The following DHDDS variants were observed in gnomAD, a reference collection of about 807,000 sequenced individuals.
DHDDS encodes dehydrodolichyl diphosphate synthase subunit.
DHDDS carries 16 observed loss-of-function variants against 46.2 expected under a neutral mutation model. The ratio of observed to expected loss-of-function variants is 0.35; its 90% CI spans 0.23 to 0.53. The LOEUF (loss-of-function observed/expected upper bound fraction) is 0.53. Ranked by LOEUF, DHDDS falls within the 20% of genes least tolerant of loss-of-function variation. The pLI, the probability that DHDDS is intolerant of heterozygous loss-of-function variation, is 0.94. For missense variants in DHDDS, 340 were observed against 423.7 expected (o/e 0.80, Z 1.73); for synonymous variants, 151 against 163.1 (o/e 0.93, Z 0.56).
At chr1:26,467,156 C>G (rs1296618591) in intron 8 of DHDDS, 1 of 334,838 alleles carries the variant, frequency 3.0e-6, no homozygotes, top group Non-Finnish European at 6.5e-6. Context: ...CTCCTCTGAA[C>G]TGCATGACCC....
At chr1:26,465,572 A>T (rs1206893010) in intron 8 of DHDDS, among the ~76,000 whole-genome samples, 1 of 152,236 alleles carries the variant, frequency 6.6e-6, no homozygotes, top group East Asian at 1.9e-4. Context: ...AAAATGAGAG[A>T]AGTAGCGTTT....
Position 26,462,437 on chromosome 1 carries a change from G to A in DHDDS, c.765+2293G>A, listed in dbSNP as rs1205236603. 2.0e-5 allele frequency among the ~76,000 whole-genome samples: 3 copies of A among 152,062 alleles called. No individual in the cohort carries two copies. In the East Asian group the frequency reaches 5.8e-4, roughly 29 times the overall value. ...AAGTTAGATGGTCCCAGAATACCTG[G>A]GTTTGAGGTTTCATGTATATTTTTC... On this transcript the variant is annotated intron_variant, in intron 8 of 8. Coordinates refer to ENST00000236342, the MANE Select transcript of DHDDS (RefSeq NM_205861.3).
intron 3 of DHDDS, among the ~76,000 whole-genome samples, chr1:26,439,164 CA>C (rs1483578970): frequency 6.6e-6 from 1 of 152,120 alleles, no homozygotes; most frequent in East Asian, 1.9e-4. Flanking sequence ...CTCCTGACCT[CA>C]GGTGATCCAC....
Position 26,457,876 on chromosome 1 carries a change from G to A in DHDDS, c.628G>A (p.Val210Met), listed in dbSNP as rs780598237. 75 of 1,613,882 alleles carry A rather than the reference G, an allele frequency of 4.6e-5. No individual in the cohort carries two copies. The highest frequency in any genetic ancestry group is 1.3e-5 in the African/African-American group (1 of 74,878). ...PDILIRTSGE[V>M]RLSDFLLWQT... is the part of the protein sequence containing the mutation. The stretch of plus-strand genomic sequence containing the variant: ...CATCTTGATACGGACTTCTGGAGAA[G>A]TGCGGCTGAGTGACTTCTTGCTATG... Residue 210 changes from valine (V) to methionine (M), a missense_variant, in exon 7 of 9, where the codon GTG becomes ATG. Coordinates refer to ENST00000236342, the MANE Select transcript of DHDDS (RefSeq NM_205861.3).
chr1:26,434,934 T>C (rs2075138045), intron 2 of DHDDS, among the ~76,000 whole-genome samples: 1 of 151,622 alleles, frequency 6.6e-6, no homozygotes, highest in Non-Finnish European at 1.5e-5. Context: ...GTACTGGGAT[T>C]ACAGGCTTGA....
chr1:26,456,277 TAGG>T (rs2075369297), intron 6 of DHDDS, among the ~76,000 whole-genome samples: 2 of 152,112 alleles, frequency 1.3e-5, no homozygotes, highest in African/African-American at 2.4e-5. Flanking sequence ...GAAGCTGAGG[TAGG>T]AGGATTGCTT....
chr1:26,447,433 C>A, intron 5 of DHDDS, 126 bp from the exon 6 acceptor site: 2 of 781,926 alleles, frequency 2.6e-6, no homozygotes, highest in South Asian at 1.5e-5. Flanking sequence ...CAGAGGTATC[C>A]ACAATTAACA....
At chr1:26,445,627 C>A (rs571454281) in intron 4 of DHDDS, among the ~76,000 whole-genome samples, 1 of 151,892 alleles carries the variant, frequency 6.6e-6, no homozygotes, top group Non-Finnish European at 1.5e-5. Context: ...GCAGGAGGAT[C>A]GCTTGAGCCC....
chr1:26,466,973 G>C (rs1191019264), intron 8 of DHDDS: 1 of 182,240 alleles, frequency 5.5e-6, no homozygotes, highest in African/African-American at 2.3e-5. Flanking sequence ...GGCCTTAACA[G>C]GCTCTTCGGT....
At chr1:26,440,957 C>T (rs2075212809) in intron 3 of DHDDS, among the ~76,000 whole-genome samples, 1 of 150,588 alleles carries the variant, frequency 6.6e-6, no homozygotes, top group Non-Finnish European at 1.5e-5. Flanking sequence ...CGGAGTGTTG[C>T]TCTGTCACCC....
At chr1:26,455,843 T>C (rs2075365548) in intron 6 of DHDDS, among the ~76,000 whole-genome samples, 1 of 152,184 alleles carries the variant, frequency 6.6e-6, no homozygotes, top group Non-Finnish European at 1.5e-5. Flanking sequence ...TTCCTGACCA[T>C]GCGTCCAGAA....
intron 6 of DHDDS, among the ~76,000 whole-genome samples, chr1:26,451,213 C>G (rs951775733): frequency 6.6e-6 from 1 of 152,190 alleles, no homozygotes; most frequent in Non-Finnish European, 1.5e-5. Flanking sequence ...GCTTGGTGTG[C>G]TCAGACTGGG....
At chr1:26,465,278 G>A (rs1383102074) in intron 8 of DHDDS, among the ~76,000 whole-genome samples, 6 of 152,184 alleles carry the variant, frequency 3.9e-5, no homozygotes, top group Admixed American at 6.5e-5. Context: ...AAACGGGCTG[G>A]ATTGAACATT....
rs1178043900 is a variant in DHDDS at position 26,469,602 on chromosome 1, A to T, written c.*471A>T. The T allele has an allele frequency of 4.2e-6, 1 of 236,712 alleles. No individual in the cohort carries two copies. The highest frequency in any genetic ancestry group is 1.0e-4 in the East Asian group (1 of 9,908). The allele number at this position is 236,712 out of a possible 1,614,324, so 14.7% of individuals were successfully genotyped here. On this transcript the variant is annotated 3_prime_UTR_variant, in exon 9 of 9. Coordinates refer to ENST00000236342, the MANE Select transcript of DHDDS (RefSeq NM_205861.3). ...CTAATAGGCAGGCAGTTATTTGGGT[A>T]AGGAAAAAAGGGGTGGGAGAGACAG...
chr1:26,460,860 T>C (rs1345687608), intron 8 of DHDDS, among the ~76,000 whole-genome samples: 1 of 152,204 alleles, frequency 6.6e-6, no homozygotes, highest in African/African-American at 2.4e-5. Context: ...CCAAGGAACC[T>C]GAATTTTATC....
Position 26,471,287 on chromosome 1 carries a change from A to C in DHDDS, c.*2156A>C, listed in dbSNP as rs1183714451. 1 of 152,196 alleles carries C rather than the reference A, an allele frequency of 6.6e-6. No individual in the cohort carries two copies. Among genetic ancestry groups the C allele is most frequent in the Non-Finnish European group, 1.5e-5 (1 of 68,032 alleles). The allele number at this position is 152,196 out of a possible 1,614,324, so 9.4% of individuals were successfully genotyped here. A position where few individuals can be genotyped will look rare whatever the true frequency, so the allele number is the denominator to read the frequency against. ...GTGCTGGGTCTCAAATAGAATTTTT[A>C]AAGATTCTTAGATGTAAAACTTGTT... On this transcript the variant is annotated 3_prime_UTR_variant, in exon 9 of 9. Transcript: ENST00000236342.
chr1:26,432,882 T>C lies in DHDDS; in HGVS notation c.-55-9T>C. 1 of 1,571,882 alleles carries C rather than the reference T, an allele frequency of 6.4e-7. No individual in the cohort carries two copies. Among genetic ancestry groups the C allele is most frequent in the Non-Finnish European group, 8.8e-7 (1 of 1,141,648 alleles). ...GGTGACTTCTTATTTTCTTTCTTGT[T>C]TATCCAAGATTACCTGGCTGGTGTT... On this transcript the variant is annotated splice_polypyrimidine_tract_variant and intron_variant, in intron 1 of 8. Coordinates refer to ENST00000236342, the MANE Select transcript of DHDDS (RefSeq NM_205861.3).
chr1:26,434,363 C>T (rs2075132804), intron 2 of DHDDS, among the ~76,000 whole-genome samples: 1 of 152,130 alleles, frequency 6.6e-6, no homozygotes, highest in African/African-American at 2.4e-5. Flanking sequence ...TTATACAAGC[C>T]CCACACATGC....
chr1:26,468,646 C>CT (rs2075517450), intron 8 of DHDDS, among the ~76,000 whole-genome samples: 1 of 152,156 alleles, frequency 6.6e-6, no homozygotes, highest in Admixed American at 6.5e-5. Flanking sequence ...ATGAGAAAAA[C>CT]TTTAAGAAGT....
Sources: allele counts gnomAD v4.1 joint callset (sites outside exome capture counted in the v4.1 genomes callset), GRCh38; gene constraint gnomAD v4.1.1; transcripts MANE v1.5; gene names NCBI Gene and HGNC (gene_info 2026-07-23, HGNC 2026-07-21).